Variants in PLCB4 observed in about 807,000 individuals in gnomAD.
PLCB4 encodes phospholipase C beta 4, also known as 1-phosphatidylinositol 4,5-bisphosphate phosphodiesterase beta-4.
In PLCB4, 77 loss-of-function variants were observed where a neutral mutation model predicts 178.8. That is an observed-to-expected ratio of 0.43 (90% CI 0.36 to 0.52). The LOEUF is 0.52. PLCB4 is among the 20% of genes least tolerant of loss of function. PLCB4 has a pLI of 0.00. For missense variants in PLCB4, 1,024 were observed against 1,453.4 expected (o/e 0.70, Z 4.80); for synonymous variants, 496 against 490.8 (o/e 1.01, Z -0.14).
At chr20:9,152,671 C>T (rs138170184) in intron 2 of PLCB4, among the ~76,000 whole-genome samples, 202 of 152,258 alleles carry the variant, frequency 1.3e-3, no homozygotes, top group East Asian at 7.7e-3. Context: ...GCTAGGGCAT[C>T]GTGGAAGGGA....
intron 7 of PLCB4, among the ~76,000 whole-genome samples, chr20:9,359,704 G>A (rs1408885084): frequency 6.6e-6 from 1 of 152,158 alleles, no homozygotes; most frequent in East Asian, 1.9e-4. Flanking sequence ...GTGTTCCAAG[G>A]ACTGGAAAAT....
intron 1 of PLCB4, among the ~76,000 whole-genome samples, chr20:9,085,045 T>G (rs2090337465): frequency 7.7e-6 from 1 of 130,394 alleles, no homozygotes; most frequent in Non-Finnish European, 1.7e-5. Context: ...AGAGCAAGAC[T>G]CCATCTCAAA....
intron 4 of PLCB4, among the ~76,000 whole-genome samples, chr20:9,335,762 C>T (rs1732270931): frequency 6.6e-6 from 1 of 152,142 alleles, no homozygotes; most frequent in South Asian, 2.1e-4. Flanking sequence ...TGGGTTTTAA[C>T]TCCTAAAGCA....
intron 2 of PLCB4, among the ~76,000 whole-genome samples, chr20:9,188,261 G>A (rs1031910711): frequency 6.6e-6 from 1 of 152,234 alleles, no homozygotes; most frequent in Non-Finnish European, 1.5e-5. Flanking sequence ...ATTGGCAGGG[G>A]CCTGAAGGTG....
rs907080918 is a variant in PLCB4, at chr20:9,470,421, C to G, written c.3350+1749C>G. Among the ~76,000 whole-genome samples the G allele has an allele frequency of 5.9e-5, 9 of 152,056 alleles. 1 individual carries two copies. Among genetic ancestry groups the G allele is most frequent in the African/African-American group, 2.2e-4 (9 of 41,392 alleles). The stretch of plus-strand genomic sequence containing the variant: ...AAGGGCCTTATATACATGGAAATGA[C>G]ACCTTCTTCAGTTTGAAAACACCAA... On this transcript the variant is annotated intron_variant, in intron 36 of 39. Transcript: ENST00000378473.
At chr20:9,363,207 G>T (rs1047221669) in intron 8 of PLCB4, among the ~76,000 whole-genome samples, 5 of 152,286 alleles carry the variant, frequency 3.3e-5, no homozygotes, top group Admixed American at 2.0e-4. Flanking sequence ...ATGGTCAAAG[G>T]ACACTGGAAC....
At chr20:9,271,037 G>A (rs56757369) in intron 3 of PLCB4, among the ~76,000 whole-genome samples, 14,560 of 152,056 alleles carry the variant, frequency 0.096, 1,212 homozygotes, top group East Asian at 0.31. Context: ...AGCATTGCTA[G>A]CCAACAGCTG....
intron 4 of PLCB4, 140 bp from the exon 5 acceptor site, chr20:9,336,986 A>G (rs1285632025): frequency 9.8e-6 from 6 of 612,186 alleles, no homozygotes; most frequent in Middle Eastern, 2.9e-4. Flanking sequence ...AAATGAAAAC[A>G]TTCCATAATA....
At chr20:9,394,083 G>A (rs915364135) in intron 18 of PLCB4, among the ~76,000 whole-genome samples, 46 of 152,120 alleles carry the variant, frequency 3.0e-4, no homozygotes, top group Non-Finnish European at 5.4e-4. Flanking sequence ...ATGAGTGTGT[G>A]ACTGTGTATA....
Position 9,337,121 on chromosome 20 carries a change from G to C in PLCB4, c.85-5G>C. The C allele has an allele frequency of 1.2e-6, 2 of 1,602,786 alleles. No individual in the cohort carries two copies. Among genetic ancestry groups the C allele is most frequent in the Non-Finnish European group, 1.7e-6 (2 of 1,170,100 alleles). The stretch of plus-strand genomic sequence containing the variant: ...CATGAAGATCAACACATTTCTTTTT[G>C]ACAGGAATCCTTTGTGTTTGAACCC... On this transcript the variant is annotated splice_region_variant and splice_polypyrimidine_tract_variant and intron_variant, in intron 4 of 39. Transcript: ENST00000378473.
intron 7 of PLCB4, among the ~76,000 whole-genome samples, chr20:9,347,964 C>T (rs974035279): frequency 6.6e-6 from 1 of 152,190 alleles, no homozygotes; most frequent in African/African-American, 2.4e-5. Flanking sequence ...CAGAGTGAGA[C>T]TCCATCTCAA....
chr20:9,437,059 A>G lies in PLCB4; in HGVS notation c.2671A>G (p.Asn891Asp). 1 of 1,614,098 alleles carries G rather than the reference A, an allele frequency of 6.2e-7. No homozygotes were observed. Among genetic ancestry groups the G allele is most frequent in the Non-Finnish European group, 8.5e-7 (1 of 1,179,968 alleles). The part of the protein sequence containing the change: ...TSKNDKKGKA[N>D]TAKANVTPQS... ...CAAAAATGACAAGAAAGGAAAGGCC[A>G]ACACCGCCAAAGCAAATGTGACCCC... The change falls in exon 30 of 40, where the codon AAC becomes GAC. Residue 891 changes from asparagine to aspartate, a missense_variant. By Grantham distance (23) the Asn-to-Asp change is conservative. Around this residue, in one of 7 missense-constraint regions of PLCB4, gnomAD observed 227 missense variants for 374.3 expected, o/e 0.61. Coordinates refer to ENST00000378473, the MANE Select transcript of PLCB4 (RefSeq NM_001377142.1).
intron 38 of PLCB4, 94 bp from the exon 39 acceptor site, chr20:9,476,623 T>G (rs2044563700): frequency 1.1e-5 from 10 of 870,828 alleles, no homozygotes; most frequent in Non-Finnish European, 1.9e-5. Context: ...TATATGGTTT[T>G]GCATTCATTT....
chr20:9,372,484 TA>T (rs1333871552), intron 11 of PLCB4, 81 bp downstream of exon 11: 1 of 672,396 alleles, frequency 1.5e-6, no homozygotes, highest in Non-Finnish European at 2.6e-6. Flanking sequence ...TGTCCTATTT[TA>T]ATAGAGTATG....
At chr20:9,176,434 T>A (rs956701494) in intron 2 of PLCB4, among the ~76,000 whole-genome samples, 1 of 152,204 alleles carries the variant, frequency 6.6e-6, no homozygotes, top group African/African-American at 2.4e-5. Context: ...TATAAAATGG[T>A]TGAACTATTT....
intron 10 of PLCB4, 37 bp from the exon 11 acceptor site, chr20:9,372,266 G>A (rs941142762): frequency 7.4e-6 from 9 of 1,208,490 alleles, no homozygotes; most frequent in South Asian, 2.5e-5. Flanking sequence ...AGGGAAAAAC[G>A]GTTCTGTGAT....
intron 2 of PLCB4, among the ~76,000 whole-genome samples, chr20:9,168,498 T>TG (rs1441935524): frequency 2.0e-5 from 3 of 152,196 alleles, no homozygotes; most frequent in African/African-American, 7.2e-5. Context: ...TTAATGTGCG[T>TG]GTGAATCATT....
intron 3 of PLCB4, among the ~76,000 whole-genome samples, chr20:9,296,770 A>G (rs1389742689): frequency 2.6e-5 from 4 of 152,002 alleles, no homozygotes; most frequent in African/African-American, 9.7e-5. Flanking sequence ...AAAAAACCAA[A>G]CACCGCATGT....
chr20:9,353,776 T>A (rs1013079036), intron 7 of PLCB4, among the ~76,000 whole-genome samples: 1 of 152,210 alleles, frequency 6.6e-6, no homozygotes, highest in African/African-American at 2.4e-5. Context: ...CTGCTGGCTC[T>A]GGCCTTGGTC....
Sources: gnomAD v4.1 joint callset for allele counts (sites outside exome capture counted in the v4.1 genomes callset) on GRCh38, gnomAD v4.1.1 for gene constraint, gnomAD v4.1.1 regional missense constraint, MANE v1.5 for transcripts, NCBI Gene and HGNC (gene_info 2026-07-23, HGNC 2026-07-21) for gene names.